The following TEX11 variants were observed in gnomAD, a reference collection of about 807,000 sequenced individuals.
TEX11 encodes testis-expressed protein 11.
TEX11 carries 7 observed loss-of-function variants against 84.4 expected under a neutral mutation model. That is an observed-to-expected ratio of 0.08 (90% confidence interval 0.05 to 0.16). The LOEUF is 0.16. TEX11 is among the 10% of genes least tolerant of loss of function. The pLI is 1.00. For synonymous variants in TEX11, 264 were observed against 222.8 expected (o/e 1.18, Z -1.64); for missense variants, 551 against 660.5 (o/e 0.83, Z 1.82).
rs757953582 is a variant in TEX11, at chrX:70,668,422, T to C, written c.1380+1955A>G. Among the ~76,000 whole-genome samples the C allele has an allele frequency of 2.7e-5, 3 of 112,271 alleles. No individual in the cohort carries two copies. The East Asian group carries it at 8.4e-4, about 31-fold the overall frequency. The stretch of plus-strand genomic sequence containing the variant: ...ATTTTTTTCACCTTTCTGTCTGTCC[T>C]AGTGCATAAGAGGATATTCATTGTA... On this transcript the variant is annotated intron_variant, in intron 16 of 29. Coordinates refer to ENST00000374333, the MANE Select transcript of TEX11 (RefSeq NM_031276.3).
chrX:70,712,979 T>C (rs887635749), intron 13 of TEX11, among the ~76,000 whole-genome samples: 1 of 111,893 alleles, frequency 8.9e-6, no homozygotes, highest in African/African-American at 3.3e-5. Context: ...ATACCTAATT[T>C]ATTGAGAGTT....
chrX:70,559,762 C>A (rs1345368073), intron 25 of TEX11, among the ~76,000 whole-genome samples: 1 of 112,015 alleles, frequency 8.9e-6, no homozygotes, highest in Admixed American at 9.5e-5. Flanking sequence ...TGCTGATGAA[C>A]AGTAATGTTG....
chrX:70,683,224 T>A (rs891240510), intron 13 of TEX11, among the ~76,000 whole-genome samples: 1 of 112,330 alleles, frequency 8.9e-6, no homozygotes, highest in African/African-American at 3.2e-5. Context: ...ACACAAATAA[T>A]ACACTAGTAT....
chrX:70,850,836 A>C (rs897793498), intron 7 of TEX11, among the ~76,000 whole-genome samples: 4 of 111,052 alleles, frequency 3.6e-5, no homozygotes, highest in Non-Finnish European at 7.6e-5. Context: ...TTGAGAGGCC[A>C]AGGTGAGAGG....
At chrX:70,859,716 T>TA (rs2091558888) in intron 5 of TEX11, among the ~76,000 whole-genome samples, 1 of 111,050 alleles carries the variant, frequency 9.0e-6, no homozygotes, top group African/African-American at 3.3e-5. Context: ...AATAAATGTT[T>TA]AAAAAATTAA....
intron 28 of TEX11, among the ~76,000 whole-genome samples, chrX:70,546,294 C>T (rs1569318715): frequency 8.9e-6 from 1 of 111,892 alleles, no homozygotes; most frequent in Non-Finnish European, 1.9e-5. Context: ...TATAAAACTT[C>T]TACAGAAACA....
At chrX:70,881,927 G>C (rs1183821514) in intron 2 of TEX11, among the ~76,000 whole-genome samples, 16 of 106,621 alleles carry the variant, frequency 1.5e-4, no homozygotes, top group African/African-American at 5.5e-4. Context: ...TACTCCAGAA[G>C]GTGAGACAGG....
At chrX:70,895,370 C>T (rs1052436708) in intron 2 of TEX11, among the ~76,000 whole-genome samples, 6 of 110,953 alleles carry the variant, frequency 5.4e-5, no homozygotes, top group East Asian at 2.8e-4. Flanking sequence ...AGGAAATAAG[C>T]GGGGACACAA....
At chrX:70,611,705 C>T (rs949567889) in intron 20 of TEX11, among the ~76,000 whole-genome samples, 2 of 111,184 alleles carry the variant, frequency 1.8e-5, no homozygotes, top group African/African-American at 6.6e-5. Flanking sequence ...TAACTGATCT[C>T]GGAGAAGGGA....
chrX:70,704,560 T>C (rs1225060272), intron 13 of TEX11, among the ~76,000 whole-genome samples: 1 of 111,602 alleles, frequency 9.0e-6, no homozygotes, highest in Non-Finnish European at 1.9e-5. Flanking sequence ...TCAAGTACAT[T>C]GTATACATAC....
At chrX:70,643,501 C>T (rs1382428410) in intron 17 of TEX11, among the ~76,000 whole-genome samples, 1 of 86,189 alleles carries the variant, frequency 1.2e-5, no homozygotes, top group African/African-American at 4.4e-5. Context: ...GGAGGCATCA[C>T]ACTACCTGAC....
chrX:70,850,166 TAATAC>T (rs1234837295), intron 7 of TEX11, among the ~76,000 whole-genome samples: 3 of 112,114 alleles, frequency 2.7e-5, no homozygotes, highest in Admixed American at 9.5e-5. Context: ...AATTCCTTTT[TAATAC>T]AATAGTCCTT....
rs1268298567 is a variant in TEX11, at chrX:70,730,340, TA to T, written c.844-4998del. Among the ~76,000 whole-genome samples the T allele has an allele frequency of 2.7e-5, 3 of 111,731 alleles. No homozygotes were observed. In the Admixed American group the frequency reaches 2.9e-4, roughly 11 times the overall value. On this transcript the variant is annotated intron_variant, in intron 11 of 29. Transcript: ENST00000374333. ...ATGTTAATGCGCTAAATGCTCCAAT[TA>T]AAAGACACAGACTGGCAAATTGGAT...
chrX:70,802,795 A>G (rs1340632252), intron 9 of TEX11, among the ~76,000 whole-genome samples: 1 of 112,215 alleles, frequency 8.9e-6, no homozygotes, highest in East Asian at 2.8e-4. Flanking sequence ...TAATAAATGT[A>G]ACCCTAAAGC....
chrX:70,706,784 C>G lies in TEX11; in HGVS notation c.1004+15834G>C, dbSNP rs959432252. On this transcript the variant is annotated intron_variant, in intron 13 of 29. Coordinates refer to ENST00000374333, the MANE Select transcript of TEX11 (RefSeq NM_031276.3). Reference sequence around the variant, plus strand: ...AGAATGAATTTCCACTGCTATCAACCTAGTTTCAGGCTCTTATTACTTCAT... The same window carrying G: ...AGAATGAATTTCCACTGCTATCAACGTAGTTTCAGGCTCTTATTACTTCAT... Among the ~76,000 whole-genome samples the G allele has an allele frequency of 3.6e-5, 4 of 110,855 alleles. No homozygotes were observed. The Admixed American group carries it at 3.9e-4, about 11-fold the overall frequency.
intron 8 of TEX11, among the ~76,000 whole-genome samples, chrX:70,808,335 T>C (rs1602144574): frequency 1.9e-5 from 2 of 106,447 alleles, no homozygotes; most frequent in East Asian, 5.9e-4. Flanking sequence ...AAACTCTGTC[T>C]CTACTAAAAA....
intron 17 of TEX11, among the ~76,000 whole-genome samples, chrX:70,649,175 C>A (rs1381156737): frequency 8.9e-6 from 1 of 112,175 alleles, no homozygotes; most frequent in African/African-American, 3.2e-5. Context: ...CTGCAATGAA[C>A]ACACGTGTGC....
chrX:70,840,751 CA>C lies in TEX11; in HGVS notation c.526-7159del, dbSNP rs1003122759. ...AGGAAAGCCATCTCATGTGCAGAGA[CA>C]CACATAGGCTCAAAATAAAGGGATG... On this transcript the variant is annotated intron_variant, in intron 7 of 29. Transcript: ENST00000374333. 3.6e-5 allele frequency among the ~76,000 whole-genome samples: 4 copies of C among 110,460 alleles called. No homozygotes were observed. The Admixed American group carries it at 3.9e-4, about 11-fold the overall frequency.
intron 13 of TEX11, among the ~76,000 whole-genome samples, chrX:70,712,790 C>T (rs1445015721): frequency 1.8e-5 from 2 of 110,830 alleles, no homozygotes; most frequent in African/African-American, 6.6e-5. Context: ...ATTTCCTTCT[C>T]CTGCCTGATT....
Sources: gnomAD v4.1 joint callset for allele counts (sites outside exome capture counted in the v4.1 genomes callset) on GRCh38, gnomAD v4.1.1 for gene constraint, MANE v1.5 for transcripts, NCBI Gene and HGNC (gene_info 2026-07-23, HGNC 2026-07-21) for gene names.